The following RBMS3 variants were observed in gnomAD, a reference collection of about 807,000 sequenced individuals.
The protein encoded by RBMS3 is RNA-binding motif, single-stranded-interacting protein 3.
In RBMS3, 27 loss-of-function variants were observed where a neutral mutation model predicts 66.8. That is an observed-to-expected ratio of 0.40 (90% CI 0.30 to 0.56). The LOEUF (loss-of-function observed/expected upper bound fraction) is 0.56. Ranked by LOEUF, RBMS3 falls within the 20% of genes least tolerant of loss-of-function variation. RBMS3 has a pLI of 0.40. For missense variants in RBMS3, 513 were observed against 549.5 expected (o/e 0.93, Z 0.66); for synonymous variants, 188 against 183.0 (o/e 1.03, Z -0.22).
chr3:29,707,131 T>C (rs1328038937), intron 4 of RBMS3, among the ~76,000 whole-genome samples: 2 of 152,212 alleles, frequency 1.3e-5, no homozygotes, highest in Non-Finnish European at 2.9e-5. Context: ...ATGTCTTTCA[T>C]AAAAGATGAC....
At chr3:29,725,155 C>T (rs940737008) in intron 4 of RBMS3, among the ~76,000 whole-genome samples, 3 of 152,148 alleles carry the variant, frequency 2.0e-5, no homozygotes, top group Non-Finnish European at 2.9e-5. Context: ...TACTGAATCA[C>T]AAGACTCCTG....
At chr3:29,809,459 T>C (rs1247975575) in intron 6 of RBMS3, among the ~76,000 whole-genome samples, 1 of 152,030 alleles carries the variant, frequency 6.6e-6, no homozygotes, top group Non-Finnish European at 1.5e-5. Flanking sequence ...CATGTATGTA[T>C]ATCTTTTTAT....
chr3:29,306,115 A>C (rs562345719), intron 1 of RBMS3, among the ~76,000 whole-genome samples: 12 of 152,028 alleles, frequency 7.9e-5, no homozygotes, highest in African/African-American at 2.9e-4. Flanking sequence ...ATCGCACAGT[A>C]TGGATATTTG....
At chr3:29,746,750 A>G (rs977899798) in intron 5 of RBMS3, among the ~76,000 whole-genome samples, 2 of 152,194 alleles carry the variant, frequency 1.3e-5, no homozygotes, top group African/African-American at 4.8e-5. Flanking sequence ...AATAAATTGC[A>G]TCAAATAACT....
chr3:29,518,510 A>G (rs960057771), intron 3 of RBMS3, among the ~76,000 whole-genome samples: 1 of 152,234 alleles, frequency 6.6e-6, no homozygotes, highest in Non-Finnish European at 1.5e-5. Flanking sequence ...ATTGTATAGT[A>G]AAAGAAGGTC....
chr3:29,935,082 TCA>T (rs2149686860), intron 10 of RBMS3, among the ~76,000 whole-genome samples: 1 of 152,250 alleles, frequency 6.6e-6, no homozygotes, highest in African/African-American at 2.4e-5. Flanking sequence ...TCTACTTTTA[TCA>T]CAATCTTTAA....
intron 1 of RBMS3, among the ~76,000 whole-genome samples, chr3:29,347,554 G>C (rs1161464071): frequency 3.3e-5 from 5 of 152,090 alleles, no homozygotes; most frequent in Non-Finnish European, 1.5e-5. Context: ...GGGGAAAATG[G>C]TCTATTGGGA....
At chr3:29,504,841 G>T (rs887488942) in intron 3 of RBMS3, among the ~76,000 whole-genome samples, 2 of 152,036 alleles carry the variant, frequency 1.3e-5, no homozygotes, top group Non-Finnish European at 2.9e-5. Flanking sequence ...CTGATGACTA[G>T]TCATGGTGAG....
chr3:29,937,960 C>A (rs2061308667), intron 11 of RBMS3, among the ~76,000 whole-genome samples: 1 of 151,716 alleles, frequency 6.6e-6, no homozygotes, highest in African/African-American at 2.4e-5. Context: ...TGTAATTTTA[C>A]CGTATTGAAT....
chr3:29,956,506 T>A (rs143803430), intron 12 of RBMS3, among the ~76,000 whole-genome samples: 1 of 152,218 alleles, frequency 6.6e-6, no homozygotes, highest in Non-Finnish European at 1.5e-5. Flanking sequence ...AAATTTTTGA[T>A]CTAAATAAGT....
chr3:29,834,084 T>C (rs1050193233), intron 6 of RBMS3, among the ~76,000 whole-genome samples: 2 of 152,142 alleles, frequency 1.3e-5, no homozygotes, highest in Admixed American at 1.3e-4. Context: ...ATAGATTACC[T>C]GGCAAAGCTG....
Position 29,668,735 on chromosome 3 carries a change from C to T in RBMS3, c.400-70985C>T, listed in dbSNP as rs77595356. Among the ~76,000 whole-genome samples, 683 of 152,324 alleles carry T rather than the reference C, an allele frequency of 4.5e-3. 2 individuals carry two copies. Among genetic ancestry groups the T allele is most frequent in the African/African-American group, 0.016 (647 of 41,560 alleles). Reference sequence around the variant, plus strand: ...TTTTTAAAAAATCAGTTGGACTTCACAGAATCACAGAATTTAAGAGCTTGC... The same window carrying T: ...TTTTTAAAAAATCAGTTGGACTTCATAGAATCACAGAATTTAAGAGCTTGC... On this transcript the variant is annotated intron_variant, in intron 4 of 14. Transcript: ENST00000383767.
chr3:29,995,773 A>C (rs2125387396), intron 14 of RBMS3, among the ~76,000 whole-genome samples: 1 of 152,366 alleles, frequency 6.6e-6, no homozygotes, highest in East Asian at 1.9e-4. Context: ...GGAAGCACTA[A>C]ACATGGAAAG....
intron 4 of RBMS3, among the ~76,000 whole-genome samples, chr3:29,598,325 G>A (rs1576329348): frequency 6.6e-6 from 1 of 152,054 alleles, no homozygotes; most frequent in South Asian, 2.1e-4. Context: ...TATTCCCGAG[G>A]AAGCCACTCC....
chr3:29,499,968 C>A (rs2043903125), intron 3 of RBMS3, among the ~76,000 whole-genome samples: 1 of 151,648 alleles, frequency 6.6e-6, no homozygotes, highest in Non-Finnish European at 1.5e-5. Flanking sequence ...GGTGAAATTC[C>A]ACGGGAAATA....
rs565353396 is a variant in RBMS3 at position 29,913,265 on chromosome 3, C to G, written c.939+13510C>G. Among the ~76,000 whole-genome samples the G allele has an allele frequency of 2.0e-5, 3 of 152,022 alleles. No homozygotes were observed. The South Asian group carries it at 6.2e-4, about 32-fold the overall frequency. On this transcript the variant is annotated intron_variant, in intron 10 of 14. Coordinates refer to ENST00000383767, the MANE Select transcript of RBMS3 (RefSeq NM_001003793.3). Reference sequence around the variant, plus strand: ...GCATCAGATAAAGCTGATATCAAACCATTCTATCTTACAATAATTACTCAA... The same window carrying G: ...GCATCAGATAAAGCTGATATCAAACGATTCTATCTTACAATAATTACTCAA...
chr3:29,686,349 T>G (rs532810730), intron 4 of RBMS3, among the ~76,000 whole-genome samples: 25 of 152,324 alleles, frequency 1.6e-4, no homozygotes, highest in African/African-American at 5.8e-4. Flanking sequence ...TTGGTGTATA[T>G]TCATTGTTTG....
At chr3:29,860,490 A>G (rs2059185464) in intron 6 of RBMS3, among the ~76,000 whole-genome samples, 1 of 152,122 alleles carries the variant, frequency 6.6e-6, no homozygotes, top group Non-Finnish European at 1.5e-5. Flanking sequence ...GTGGAATTGG[A>G]TGTGATTTCT....
At chr3:29,984,161 G>GATC (rs1205165437) in intron 12 of RBMS3, among the ~76,000 whole-genome samples, 1 of 151,066 alleles carries the variant, frequency 6.6e-6, no homozygotes, top group African/African-American at 2.4e-5. Flanking sequence ...TCATTAAGTT[G>GATC]ATCTTCAATC....
Sources: allele counts gnomAD v4.1 joint callset (sites outside exome capture counted in the v4.1 genomes callset), GRCh38; gene constraint gnomAD v4.1.1; transcripts MANE v1.5; gene names NCBI Gene and HGNC (gene_info 2026-07-23, HGNC 2026-07-21).